The following BAZ2B variants were observed in gnomAD, a reference collection of about 807,000 sequenced individuals.
The protein encoded by BAZ2B is bromodomain adjacent to zinc finger domain protein 2B.
A neutral mutation model predicts 246.0 loss-of-function variants in BAZ2B; 91 were observed. The observed-to-expected ratio is 0.37, with a 90% CI of 0.31 to 0.44. BAZ2B has a LOEUF of 0.44. Ranked by LOEUF, BAZ2B falls within the 20% of genes least tolerant of loss-of-function variation. BAZ2B has a pLI of 1.00. For missense variants in BAZ2B, 2,332 were observed against 2,533.7 expected (o/e 0.92, Z 1.71); for synonymous variants, 855 against 860.0 (o/e 0.99, Z 0.10).
chr2:159,712,122 C>G, the BAZ2B span: 1 of 149,918 alleles, frequency 6.7e-6, no homozygotes, highest in African/African-American at 2.4e-5. Context: ...AGCCAACCAG[C>G]TGGGCGTTAT....
At chr2:159,374,386 T>C (rs2061193628) in intron 26 of BAZ2B, among the ~76,000 whole-genome samples, 1 of 152,234 alleles carries the variant, frequency 6.6e-6, no homozygotes, top group Non-Finnish European at 1.5e-5. Flanking sequence ...ATTGACATTT[T>C]GTATTTATAT....
the BAZ2B span, among the ~76,000 whole-genome samples, chr2:159,663,980 C>G: frequency 3.5e-5 from 3 of 86,794 alleles, no homozygotes; most frequent in African/African-American, 1.3e-4. Flanking sequence ...CACCCACTAA[C>G]GTGTCATCTA....
At chr2:159,436,563 A>G (rs528066421) in intron 8 of BAZ2B, among the ~76,000 whole-genome samples, 7 of 152,312 alleles carry the variant, frequency 4.6e-5, no homozygotes, top group African/African-American at 1.4e-4. Flanking sequence ...AGCCTGGCCA[A>G]CATGGTGAAA....
At chr2:159,400,807 A>G (rs9646727) in intron 16 of BAZ2B, 143 bp from the exon 17 acceptor site, 22,894 of 475,718 alleles carry the variant, frequency 0.048, 1,244 homozygotes, top group Admixed American at 0.24. Context: ...TTGGGAGGCC[A>G]AGGTGGGCGG....
the BAZ2B span, among the ~76,000 whole-genome samples, chr2:159,706,348 CA>C: frequency 1.3e-5 from 2 of 152,064 alleles, no homozygotes; most frequent in African/African-American, 4.8e-5. Context: ...CAAATGTGGA[CA>C]CGAAAAAAAA....
the BAZ2B span, among the ~76,000 whole-genome samples, chr2:159,641,325 A>G: frequency 6.6e-6 from 1 of 152,182 alleles, no homozygotes; most frequent in African/African-American, 2.4e-5. Flanking sequence ...TGTGATGTTA[A>G]GCTTTTTTCC....
At chr2:159,545,511 T>C (rs1199609456) in intron 2 of BAZ2B, among the ~76,000 whole-genome samples, 1 of 152,202 alleles carries the variant, frequency 6.6e-6, no homozygotes, top group East Asian at 1.9e-4. Flanking sequence ...TTAAAATATA[T>C]ACTATCTCTC....
At chr2:159,437,284 T>C (rs772534365) in intron 8 of BAZ2B, 8 of 152,156 alleles carry the variant, frequency 5.3e-5, no homozygotes, top group Non-Finnish European at 7.4e-5. Flanking sequence ...GTCTATGTAG[T>C]AAAATCAACA....
chr2:159,606,283 CCT>C (rs1240051168), intron 1 of BAZ2B, among the ~76,000 whole-genome samples: 1 of 148,140 alleles, frequency 6.8e-6, no homozygotes, highest in Non-Finnish European at 1.5e-5. Context: ...CAAAGTAACC[CCT>C]CTTTTAAAAT....
chr2:159,363,263 C>A (rs2059903581), intron 27 of BAZ2B, among the ~76,000 whole-genome samples: 1 of 152,138 alleles, frequency 6.6e-6, no homozygotes, highest in African/African-American at 2.4e-5. Context: ...GATTTTCCTG[C>A]CACTTGAATG....
the BAZ2B span, among the ~76,000 whole-genome samples, chr2:159,645,988 G>A: frequency 1.3e-5 from 2 of 152,180 alleles, no homozygotes; most frequent in Non-Finnish European, 2.9e-5. Context: ...GGGCACCATT[G>A]TCATTGATAA....
chr2:159,572,424 CAATAACTTTG>C (rs1394715759), intron 1 of BAZ2B, among the ~76,000 whole-genome samples: 1 of 152,078 alleles, frequency 6.6e-6, no homozygotes, highest in East Asian at 1.9e-4. Context: ...GTGGGGTCTA[CAATAACTTTG>C]AACAGTTACT....
At chr2:159,326,056 T>A in intron 34 of BAZ2B, 138 bp from the exon 35 acceptor site, 2 of 725,226 alleles carry the variant, frequency 2.8e-6, no homozygotes, top group Non-Finnish European at 4.1e-6. Flanking sequence ...CTATTATTCT[T>A]AAGAAAGATC....
At chr2:159,454,598 A>G (rs2075503339) in intron 3 of BAZ2B, among the ~76,000 whole-genome samples, 1 of 152,216 alleles carries the variant, frequency 6.6e-6, no homozygotes, top group Non-Finnish European at 1.5e-5. Context: ...TTAGGGGGCT[A>G]CTGTCATATA....
At chr2:159,455,505 G>C (rs2150502036) in intron 3 of BAZ2B, among the ~76,000 whole-genome samples, 1 of 152,160 alleles carries the variant, frequency 6.6e-6, no homozygotes, top group East Asian at 1.9e-4. Flanking sequence ...ATCTCACAGG[G>C]AAGATCCTCA....
chr2:159,636,883 G>T, the BAZ2B span, among the ~76,000 whole-genome samples: 1 of 152,186 alleles, frequency 6.6e-6, no homozygotes, highest in East Asian at 1.9e-4. Context: ...ACTGGGCAGA[G>T]TTGTGAGGCC....
At chr2:159,557,760 T>G (rs1196424918) in intron 1 of BAZ2B, among the ~76,000 whole-genome samples, 1 of 152,194 alleles carries the variant, frequency 6.6e-6, no homozygotes, top group Non-Finnish European at 1.5e-5. Flanking sequence ...CAAGTATTTA[T>G]CAAGTTCCTA....
intron 1 of BAZ2B, among the ~76,000 whole-genome samples, chr2:159,558,086 C>A (rs951960727): frequency 6.6e-6 from 1 of 151,962 alleles, no homozygotes; most frequent in Non-Finnish European, 1.5e-5. Context: ...GTATTAGGAA[C>A]AAGGATAGCA....
chr2:159,644,895 A>G, the BAZ2B span, among the ~76,000 whole-genome samples: 1 of 152,130 alleles, frequency 6.6e-6, no homozygotes, highest in Non-Finnish European at 1.5e-5. Context: ...TTTTTCCTTA[A>G]TAATTCCTTT....
Sources: allele counts gnomAD v4.1 joint callset (sites outside exome capture counted in the v4.1 genomes callset), GRCh38; gene constraint gnomAD v4.1.1; transcripts MANE v1.5; gene names NCBI Gene and HGNC (gene_info 2026-07-23, HGNC 2026-07-21).